The following SLC24A2 variants were observed in gnomAD, a reference collection of about 807,000 sequenced individuals.
SLC24A2 encodes the protein solute carrier family 24 member 2, also known as sodium/potassium/calcium exchanger 2.
Under a neutral mutation model 62.0 loss-of-function variants are expected in SLC24A2, and 36 were observed. The ratio of observed to expected loss-of-function variants is 0.58; its 90% CI spans 0.44 to 0.77. The LOEUF is 0.77. Among genes scored for constraint, SLC24A2 ranks in the 30% least tolerant of loss-of-function variants. The pLI is 0.00. For missense variants in SLC24A2, 846 were observed against 817.9 expected (o/e 1.03, Z -0.42); for synonymous variants, 358 against 294.0 (o/e 1.22, Z -2.23).
At chr9:20,029,807 GGTAA>G in the SLC24A2 span, among the ~76,000 whole-genome samples, 1 of 151,938 alleles carries the variant, frequency 6.6e-6, no homozygotes, top group Non-Finnish European at 1.5e-5. Context: ...CTGGGATATG[GGTAA>G]GTGTGTGTGT....
At chr9:20,213,890 C>G in the SLC24A2 span, among the ~76,000 whole-genome samples, 1 of 152,180 alleles carries the variant, frequency 6.6e-6, no homozygotes, top group Non-Finnish European at 1.5e-5. Flanking sequence ...GTATTATGAT[C>G]TATATCATTG....
At chr9:19,938,396 A>C in the SLC24A2 span, among the ~76,000 whole-genome samples, 1 of 152,196 alleles carries the variant, frequency 6.6e-6, no homozygotes, top group Admixed American at 6.5e-5. Context: ...CATTTAACTT[A>C]CATGGACAAT....
At chr9:19,622,110 C>A in intron 3 of SLC24A2, 151 bp downstream of exon 3, 1 of 656,744 alleles carries the variant, frequency 1.5e-6, no homozygotes. Flanking sequence ...AATTGTAGCA[C>A]GGAGTAGAAG....
chr9:19,894,082 G>A, the SLC24A2 span, among the ~76,000 whole-genome samples: 7 of 152,194 alleles, frequency 4.6e-5, no homozygotes, highest in Non-Finnish European at 8.8e-5. Context: ...GGGTGGCTAC[G>A]TGTCCAGCTA....
intron 2 of SLC24A2, among the ~76,000 whole-genome samples, chr9:19,695,801 T>A (rs1820174795): frequency 6.6e-6 from 1 of 151,968 alleles, no homozygotes; most frequent in Non-Finnish European, 1.5e-5. Context: ...AATGAATGAC[T>A]TAGAGCTAAG....
At chr9:20,216,949 GAGA>G in the SLC24A2 span, among the ~76,000 whole-genome samples, 1 of 152,106 alleles carries the variant, frequency 6.6e-6, no homozygotes, top group African/African-American at 2.4e-5. Context: ...GGGGAATTTG[GAGA>G]AGGTTTGTCC....
At chr9:19,624,641 T>C (rs1161287197) in intron 2 of SLC24A2, among the ~76,000 whole-genome samples, 2 of 152,204 alleles carry the variant, frequency 1.3e-5, no homozygotes, top group Non-Finnish European at 2.9e-5. Flanking sequence ...ATGTCTGCAG[T>C]TGACATCATT....
At chr9:19,998,796 G>A in the SLC24A2 span, among the ~76,000 whole-genome samples, 1 of 152,212 alleles carries the variant, frequency 6.6e-6, no homozygotes, top group African/African-American at 2.4e-5. Flanking sequence ...TTCAGATTTT[G>A]TGTGCTTGAT....
chr9:20,065,213 C>T, the SLC24A2 span, among the ~76,000 whole-genome samples: 5 of 152,192 alleles, frequency 3.3e-5, no homozygotes, highest in Non-Finnish European at 7.3e-5. Context: ...TCTGCCAAAC[C>T]GAGTGGCCCC....
At chr9:19,947,839 A>AGAAG in the SLC24A2 span, among the ~76,000 whole-genome samples, 6 of 149,290 alleles carry the variant, frequency 4.0e-5, no homozygotes, top group African/African-American at 1.5e-4. Flanking sequence ...AAAGAAAGAA[A>AGAAG]GAAAGAAAGA....
the SLC24A2 span, among the ~76,000 whole-genome samples, chr9:20,068,868 GT>G: frequency 6.6e-6 from 1 of 151,918 alleles, no homozygotes; most frequent in Non-Finnish European, 1.5e-5. Context: ...CATTTTTCTG[GT>G]TTCAATTTTT....
chr9:19,638,176 T>C (rs1309799867), intron 2 of SLC24A2, among the ~76,000 whole-genome samples: 4 of 152,138 alleles, frequency 2.6e-5, no homozygotes, highest in Non-Finnish European at 4.4e-5. Context: ...CTGGCTCTCA[T>C]CCCTGCAGGC....
At chr9:19,594,424 T>G (rs1312034954) in intron 5 of SLC24A2, among the ~76,000 whole-genome samples, 1 of 152,088 alleles carries the variant, frequency 6.6e-6, no homozygotes, top group African/African-American at 2.4e-5. Flanking sequence ...GGATACAGGG[T>G]GGTATATATA....
At chr9:20,091,507 C>G in the SLC24A2 span, among the ~76,000 whole-genome samples, 1 of 151,952 alleles carries the variant, frequency 6.6e-6, no homozygotes, top group South Asian at 2.1e-4. Context: ...CACCTCTCAG[C>G]AGAAACCCTA....
At chr9:19,838,955 C>T in the SLC24A2 span, among the ~76,000 whole-genome samples, 14 of 152,148 alleles carry the variant, frequency 9.2e-5, no homozygotes, top group Admixed American at 4.6e-4. Flanking sequence ...GAACAGGCAA[C>T]CTACAGAATG....
At chr9:20,284,797 C>T in the SLC24A2 span, among the ~76,000 whole-genome samples, 74,853 of 151,836 alleles carry the variant, frequency 0.49, 19,286 homozygotes, top group African/African-American at 0.66. Context: ...TCCTATCTTA[C>T]TTCCCTTCAC....
chr9:19,893,105 G>T, the SLC24A2 span, among the ~76,000 whole-genome samples: 2 of 152,172 alleles, frequency 1.3e-5, no homozygotes, highest in Admixed American at 1.3e-4. Flanking sequence ...CTCCCATTTT[G>T]GTCCAGCATG....
At chr9:20,063,621 A>T in the SLC24A2 span, among the ~76,000 whole-genome samples, 12 of 152,272 alleles carry the variant, frequency 7.9e-5, no homozygotes, top group African/African-American at 2.4e-4. Context: ...GTGCACATGT[A>T]CCCTAAAACT....
chr9:20,059,477 A>G, the SLC24A2 span, among the ~76,000 whole-genome samples: 2 of 152,196 alleles, frequency 1.3e-5, no homozygotes, highest in African/African-American at 4.8e-5. Flanking sequence ...GGAATAAAAC[A>G]ATTAGAAATC....
Sources: allele counts gnomAD v4.1 joint callset (sites outside exome capture counted in the v4.1 genomes callset), GRCh38; gene constraint gnomAD v4.1.1; transcripts MANE v1.5; gene names NCBI Gene and HGNC (gene_info 2026-07-23, HGNC 2026-07-21).